Variants in POLR3GL observed in about 807,000 individuals in gnomAD.
POLR3GL encodes DNA-directed RNA polymerase III subunit RPC7-like.
POLR3GL carries 26 observed loss-of-function variants against 32.4 expected under a neutral mutation model. The observed-to-expected ratio is 0.80, with a 90% CI of 0.59 to 1.11. The LOEUF (loss-of-function observed/expected upper bound fraction) is 1.11. Among genes scored for constraint, POLR3GL ranks in the 50% most tolerant of loss-of-function variants. The pLI is 0.00. For synonymous variants in POLR3GL, 95 were observed against 98.7 expected, an observed-to-expected ratio of 0.96 and a Z score of 0.22; for missense variants, 229 against 280.1, an observed-to-expected ratio of 0.82 and a Z score of 1.30.
chr1:145,967,472 G>T (rs1300153103), intron 1 of POLR3GL, among the ~76,000 whole-genome samples: 1 of 152,140 alleles, frequency 6.6e-6, no homozygotes, highest in Non-Finnish European at 1.5e-5. Flanking sequence ...ACCATGTCCA[G>T]ACATGGCCAT....
chr1:145,977,580 C>A, intron 5 of POLR3GL, 41 bp downstream of exon 5: 1 of 1,574,980 alleles, frequency 6.3e-7, no homozygotes, highest in South Asian at 1.1e-5. Context: ...GAGAGGTTTC[C>A]TTCATCAGCC....
intron 1 of POLR3GL, among the ~76,000 whole-genome samples, chr1:145,968,972 T>C (rs1463498412): frequency 2.0e-5 from 3 of 152,210 alleles, no homozygotes; most frequent in Non-Finnish European, 4.4e-5. Context: ...CAACAGCCAT[T>C]GTTTCCTCAA....
At chr1:145,977,394 A>T in intron 4 of POLR3GL, 89 bp from the exon 5 acceptor site, 1 of 1,336,716 alleles carries the variant, frequency 7.5e-7, no homozygotes, top group Non-Finnish European at 1.1e-6. Context: ...CCTCTCCTTT[A>T]AAACCCTCAC....
intron 4 of POLR3GL, 45 bp from the exon 5 acceptor site, chr1:145,977,438 C>T (rs782231123): frequency 6.3e-7 from 1 of 1,578,712 alleles, no homozygotes; most frequent in African/African-American, 1.3e-5. Flanking sequence ...TCACTGGAGA[C>T]CCCAGGCAGG....
rs781893139 is a variant in POLR3GL, at chr1:145,974,906, A to G, written c.41A>G (p.Gln14Arg). 4.6e-6 allele frequency: 7 copies of G among 1,524,140 alleles called. No homozygotes were observed. The highest frequency in any genetic ancestry group is 1.4e-5 in the African/African-American group (1 of 69,722). 94.4% of individuals were successfully genotyped at this position (1,524,140 alleles called of 1,614,324 possible). ...GGGGGCCGGGGTCGTGGCCGGGGCCAGTTGACCTTCAACGTGGAGGCCGTG... is the reference window on the plus strand; with the variant it reads ...GGGGGCCGGGGTCGTGGCCGGGGCCGGTTGACCTTCAACGTGGAGGCCGTG... ...RGGGRGRGRG[Q>R]LTFNVEAVGI... Residue 14 changes from glutamine (Q) to arginine (R), a missense_variant, in exon 2 of 8, where the codon CAG becomes CGG. By Grantham distance (43) the Gln-to-Arg change is conservative (BLOSUM62 1). Transcript: ENST00000369314.
At chr1:145,978,264 C>A in intron 7 of POLR3GL, 97 bp from the exon 8 acceptor site, 1 of 1,304,814 alleles carries the variant, frequency 7.7e-7, no homozygotes, top group Non-Finnish European at 1.1e-6. Flanking sequence ...AGAGATGTCT[C>A]AGGCCTGGAA....
At chr1:145,976,560 G>C (rs1194843236) in intron 3 of POLR3GL, among the ~76,000 whole-genome samples, 2 of 139,164 alleles carry the variant, frequency 1.4e-5, no homozygotes, top group East Asian at 4.3e-4. Context: ...CCAGGCGACA[G>C]TGCGAGATTC....
Position 145,977,486 on chromosome 1 carries a change from G to T in POLR3GL, c.329G>T (p.Trp110Leu). 6.2e-7 allele frequency: 1 copy of T among 1,613,964 alleles called. No homozygotes were observed. The highest frequency in any genetic ancestry group is 8.5e-7 in the Non-Finnish European group (1 of 1,179,864). Residue 110 changes from tryptophan to leucine, a missense_variant, in exon 5 of 8, where the codon TGG becomes TTG. Physicochemically the swap from Trp to Leu is moderately conservative, Grantham distance 61. Transcript: ENST00000369314. ...IDNAIDWNPD[W>L]RRLPRELKIR... ...TTTACGTTCCCACTATTCCCAGATT[G>T]GCGGCGTCTACCCCGGGAGCTAAAG...
chr1:145,974,118 A>G (rs1650446843), intron 1 of POLR3GL, among the ~76,000 whole-genome samples: 1 of 152,014 alleles, frequency 6.6e-6, no homozygotes, highest in South Asian at 2.1e-4. Flanking sequence ...GATGACAGAA[A>G]GAGACCCTAT....
Position 145,975,351 on chromosome 1 carries a change from G to T in POLR3GL, c.171G>T (p.Gly57=). Residue 57 remains glycine, a synonymous_variant, in exon 3 of 8, where the codon GGG becomes GGT. Coordinates refer to ENST00000369314, the MANE Select transcript of POLR3GL (RefSeq NM_032305.3). ...TACCTTTGCCCTCAGGCGAGGAAGG[G>T]GAATATGTCCTGGCACTGAAGCAAG... ...RPVPLPSGEE[G]EYVLALKQEL... is the part of the protein sequence containing the mutation. The T allele has an allele frequency of 6.2e-7, 1 of 1,614,174 alleles. No individual in the cohort carries two copies. Among genetic ancestry groups the T allele is most frequent in the Non-Finnish European group, 8.5e-7 (1 of 1,180,016 alleles).
intron 1 of POLR3GL, among the ~76,000 whole-genome samples, chr1:145,974,311 G>C (rs587678409): frequency 6.6e-6 from 1 of 152,232 alleles, no homozygotes; most frequent in Admixed American, 6.5e-5. Flanking sequence ...GGCCTGGTCA[G>C]GTTTGGAAGG....
At chr1:145,972,110 G>A (rs1243632285) in intron 1 of POLR3GL, among the ~76,000 whole-genome samples, 1 of 148,684 alleles carries the variant, frequency 6.7e-6, no homozygotes, top group African/African-American at 2.5e-5. Context: ...TAGCCAGTGC[G>A]GTGGCTCACG....
intron 1 of POLR3GL, among the ~76,000 whole-genome samples, chr1:145,968,806 C>T (rs978198896): frequency 6.6e-6 from 1 of 151,948 alleles, no homozygotes; most frequent in Non-Finnish European, 1.5e-5. Context: ...CTCCTGACCT[C>T]GTGATCCGCC....
intron 1 of POLR3GL, 138 bp from the exon 2 acceptor site, chr1:145,974,685 ACT>A: frequency 3.8e-6 from 2 of 521,816 alleles, no homozygotes; most frequent in Admixed American, 4.3e-5. Flanking sequence ...TCTCTCTGAC[ACT>A]GTGCCTTCTC....
At chr1:145,967,179 CCTT>C (rs1650074541) in intron 1 of POLR3GL, among the ~76,000 whole-genome samples, 1 of 150,904 alleles carries the variant, frequency 6.6e-6, no homozygotes, top group Non-Finnish European at 1.5e-5. Context: ...CATTCTCTCT[CCTT>C]TTTTTTTTTT....
At position 145,978,612 on chromosome 1, in the gene POLR3GL, C is replaced by T. The variant is rs1440745626; in HGVS notation, c.*165C>T. On this transcript the variant is annotated 3_prime_UTR_variant, in exon 8 of 8. Coordinates refer to ENST00000369314, the MANE Select transcript of POLR3GL (RefSeq NM_032305.3). The stretch of plus-strand genomic sequence containing the variant: ...TGACAGTTTATTTTCTACACTTCCC[C>T]TCCTTCCACATTTGTATCACCTTTG... The T allele has an allele frequency of 3.2e-6, 2 of 634,056 alleles. No individual in the cohort carries two copies. The highest frequency in any genetic ancestry group is 1.8e-5 in the African/African-American group (1 of 54,450). The allele number at this position is 634,056 out of a possible 1,614,324, so 39.3% of individuals were successfully genotyped here.
At position 145,975,120 on chromosome 1, in the gene POLR3GL, G is replaced by A. The variant is rs905187498; in HGVS notation, c.126+129G>A. The A allele has an allele frequency of 3.8e-6, 5 of 1,332,220 alleles. No homozygotes were observed. The East Asian group carries it at 9.7e-5, about 26-fold the overall frequency. The allele number at this position is 1,332,220 out of a possible 1,614,324, so 82.5% of individuals were successfully genotyped here. On this transcript the variant is annotated intron_variant, in intron 2 of 7. Coordinates refer to ENST00000369314, the MANE Select transcript of POLR3GL (RefSeq NM_032305.3). ...CTCTCTCTATACTCCCAATGCACAGGGATGTTTTGCAGGCAAAGAAGTGTC... is the reference window on the plus strand; with the variant it reads ...CTCTCTCTATACTCCCAATGCACAGAGATGTTTTGCAGGCAAAGAAGTGTC...
intron 1 of POLR3GL, among the ~76,000 whole-genome samples, chr1:145,970,744 C>T (rs1023536746): frequency 2.0e-5 from 3 of 151,406 alleles, no homozygotes; most frequent in Admixed American, 6.6e-5. Flanking sequence ...GGCACGGTGG[C>T]GGGCTCCTGT....
rs372610003 is a variant in POLR3GL, at chr1:145,975,340, G to T, written c.160G>T (p.Gly54Cys). ...GTTCCGCCCAGTACCTTTGCCCTCA[G>T]GCGAGGAAGGGGAATATGTCCTGGC... Reference protein sequence around the residue: ...LEFRPVPLPSGEEGEYVLALK... With the variant: ...LEFRPVPLPSCEEGEYVLALK... Residue 54 changes from glycine (G) to cysteine (C), a missense_variant, in exon 3 of 8, where the codon GGC becomes TGC. Coordinates refer to ENST00000369314, the MANE Select transcript of POLR3GL (RefSeq NM_032305.3). 1.4e-5 allele frequency: 22 copies of T among 1,614,064 alleles called. No homozygotes were observed. In the African/African-American group the frequency reaches 2.0e-4, roughly 15 times the overall value.
Sources: gnomAD v4.1 joint callset for allele counts (sites outside exome capture counted in the v4.1 genomes callset) on GRCh38, gnomAD v4.1.1 for gene constraint, MANE v1.5 for transcripts, NCBI Gene and HGNC (gene_info 2026-07-23, HGNC 2026-07-21) for gene names.